NRXN1: variants seen among roughly 807,000 people sequenced by gnomAD.
NRXN1 encodes neurexin-1.
In NRXN1, 39 loss-of-function variants were observed where a neutral mutation model predicts 150.9. The ratio of observed to expected loss-of-function variants is 0.26; its 90% CI spans 0.20 to 0.34. The LOEUF is 0.34. Among genes scored for constraint, NRXN1 ranks in the 10% least tolerant of loss-of-function variants. NRXN1 has a pLI of 1.00. For synonymous variants in NRXN1, 924 were observed against 757.0 expected, an observed-to-expected ratio of 1.22 and a Z score of -3.62; for missense variants, 1,815 against 1,949.9, an observed-to-expected ratio of 0.93 and a Z score of 1.30.
At chr2:50,951,804 T>C (rs1214193796) in intron 2 of NRXN1, among the ~76,000 whole-genome samples, 2 of 151,486 alleles carry the variant, frequency 1.3e-5, no homozygotes, top group Non-Finnish European at 1.5e-5. Flanking sequence ...TGTTTCCTCA[T>C]ATTTTTCCTT....
intron 17 of NRXN1, among the ~76,000 whole-genome samples, chr2:50,454,193 G>A (rs2087283334): frequency 1.3e-5 from 2 of 152,082 alleles, no homozygotes; most frequent in Non-Finnish European, 2.9e-5. Context: ...GGGCGTAGTG[G>A]CGCATGCCTG....
chr2:50,647,512 G>C (rs189515861), intron 5 of NRXN1, among the ~76,000 whole-genome samples: 12 of 152,098 alleles, frequency 7.9e-5, no homozygotes, highest in Admixed American at 7.2e-4. Flanking sequence ...GACACTGCTT[G>C]TGTATAATCA....
intron 5 of NRXN1, among the ~76,000 whole-genome samples, chr2:50,727,121 A>G (rs1697462245): frequency 6.6e-6 from 1 of 152,138 alleles, no homozygotes; most frequent in African/African-American, 2.4e-5. Flanking sequence ...AAAAAAATCT[A>G]TGAAGCAAGA....
chr2:50,785,865 G>C (rs1357880906), intron 5 of NRXN1, among the ~76,000 whole-genome samples: 1 of 152,178 alleles, frequency 6.6e-6, no homozygotes, highest in Admixed American at 6.6e-5. Flanking sequence ...CAGCCAAACT[G>C]TTGTCCAACT....
At chr2:50,698,287 T>G (rs1196098515) in intron 5 of NRXN1, among the ~76,000 whole-genome samples, 1 of 152,148 alleles carries the variant, frequency 6.6e-6, no homozygotes, top group African/African-American at 2.4e-5. Flanking sequence ...AGGGCCAAAA[T>G]CTTTTTCATC....
intron 18 of NRXN1, among the ~76,000 whole-genome samples, chr2:50,099,002 C>A (rs973904432): frequency 2.6e-5 from 4 of 151,716 alleles, no homozygotes; most frequent in East Asian, 1.9e-4. Flanking sequence ...ACAGCCTTTT[C>A]ATTTCCCCAT....
intron 5 of NRXN1, among the ~76,000 whole-genome samples, chr2:50,782,704 C>G (rs1325493727): frequency 6.6e-6 from 1 of 152,144 alleles, no homozygotes; most frequent in Non-Finnish European, 1.5e-5. Context: ...TTGTGGGGGG[C>G]AGCAGAGGGC....
chr2:50,650,895 A>C (rs1685515949), intron 5 of NRXN1, among the ~76,000 whole-genome samples: 2 of 152,078 alleles, frequency 1.3e-5, no homozygotes, highest in Non-Finnish European at 2.9e-5. Flanking sequence ...AAAAAGTATA[A>C]AAATAAATAA....
intron 15 of NRXN1, among the ~76,000 whole-genome samples, chr2:50,480,393 T>C (rs891103891): frequency 7.9e-5 from 12 of 152,180 alleles, no homozygotes; most frequent in African/African-American, 2.7e-4. Flanking sequence ...TCTGGCTCTA[T>C]GCTGCTCCAT....
chr2:49,962,158 A>G (rs1252348032), intron 21 of NRXN1, among the ~76,000 whole-genome samples: 3 of 152,182 alleles, frequency 2.0e-5, no homozygotes, highest in Non-Finnish European at 4.4e-5. Flanking sequence ...TATTGATTAT[A>G]TAATTTGTAG....
intron 5 of NRXN1, among the ~76,000 whole-genome samples, chr2:50,791,833 T>A (rs1469589742): frequency 7.9e-5 from 12 of 152,122 alleles, no homozygotes; most frequent in Admixed American, 7.9e-4. Flanking sequence ...GGTCCTTATC[T>A]GCTTGTATTA....
chr2:50,611,539 T>C (rs1023006590), intron 8 of NRXN1, among the ~76,000 whole-genome samples: 8 of 152,206 alleles, frequency 5.3e-5, no homozygotes, highest in Non-Finnish European at 1.0e-4. Flanking sequence ...GGAGTGTCTA[T>C]GGCAAGGTGC....
chr2:50,698,061 C>T (rs1693188426), intron 5 of NRXN1, among the ~76,000 whole-genome samples: 1 of 152,232 alleles, frequency 6.6e-6, no homozygotes, highest in Non-Finnish European at 1.5e-5. Context: ...TATCTGAAAT[C>T]ATCTTAGTTG....
At chr2:50,675,645 C>A (rs1251502552) in intron 5 of NRXN1, among the ~76,000 whole-genome samples, 1 of 152,082 alleles carries the variant, frequency 6.6e-6, no homozygotes, top group Admixed American at 6.6e-5. Context: ...CTCAGAAATT[C>A]AATTAAACCA....
intron 19 of NRXN1, among the ~76,000 whole-genome samples, chr2:50,084,281 G>A (rs1698448276): frequency 6.6e-6 from 1 of 152,332 alleles, no homozygotes; most frequent in African/African-American, 2.4e-5. Flanking sequence ...GGGCCGCACA[G>A]GAGCCCGTGG....
chr2:50,665,921 C>A (rs1216631594), intron 5 of NRXN1, among the ~76,000 whole-genome samples: 1 of 151,880 alleles, frequency 6.6e-6, no homozygotes, highest in Non-Finnish European at 1.5e-5. Context: ...GTAAACAACA[C>A]ATGTTGAAAA....
At chr2:50,834,581 G>T (rs74907100) in intron 5 of NRXN1, among the ~76,000 whole-genome samples, 1 of 152,092 alleles carries the variant, frequency 6.6e-6, no homozygotes, top group Non-Finnish European at 1.5e-5. Flanking sequence ...TAATTGGTAC[G>T]TGATCTCAGA....
rs181544410 is a variant in NRXN1 at position 50,836,085 on chromosome 2, C to T, written c.832+85784G>A. Among the ~76,000 whole-genome samples the T allele has an allele frequency of 1.4e-4, 22 of 152,226 alleles. No homozygotes were observed. In the East Asian group the frequency reaches 1.5e-3, roughly 11 times the overall value. On this transcript the variant is annotated intron_variant, in intron 5 of 22. Coordinates refer to ENST00000401669, the MANE Select transcript of NRXN1 (RefSeq NM_001330078.2). Reference sequence around the variant, plus strand: ...TCCCCATAAATCTGAAAAAGAATTTCTAATTCTAGTTTTCGAAATTCAAAA... The same window carrying T: ...TCCCCATAAATCTGAAAAAGAATTTTTAATTCTAGTTTTCGAAATTCAAAA...
intron 8 of NRXN1, among the ~76,000 whole-genome samples, chr2:50,603,167 T>C (rs1430637004): frequency 6.6e-6 from 1 of 152,194 alleles, no homozygotes; most frequent in Non-Finnish European, 1.5e-5. Flanking sequence ...CAGAGAGGCA[T>C]GGAGCAGTGG....
Sources: allele counts gnomAD v4.1 joint callset (sites outside exome capture counted in the v4.1 genomes callset), GRCh38; gene constraint gnomAD v4.1.1; transcripts MANE v1.5; gene names NCBI Gene and HGNC (gene_info 2026-07-23, HGNC 2026-07-21).